The following KIF13A variants were observed in gnomAD, a reference collection of about 807,000 sequenced individuals.
KIF13A encodes kinesin family member 13A.
A neutral mutation model predicts 212.2 loss-of-function variants in KIF13A; 79 were observed. The observed-to-expected ratio is 0.37, with a 90% confidence interval of 0.31 to 0.45. The LOEUF (loss-of-function observed/expected upper bound fraction) is 0.45. Ranked by LOEUF, KIF13A falls within the 20% of genes least tolerant of loss-of-function variation. The pLI is 1.00. For missense variants in KIF13A, 1,901 were observed against 2,209.0 expected (o/e 0.86, Z 2.79); for synonymous variants, 789 against 808.6 (o/e 0.98, Z 0.41).
rs563347653 is a variant in KIF13A, at chr6:17,771,113, C to G, written c.4581+1G>C. 128 of 1,603,720 alleles carry G rather than the reference C, an allele frequency of 8.0e-5. No homozygotes were observed. The highest frequency in any genetic ancestry group is 1.4e-4 in the South Asian group (13 of 90,212). ...ATGACAGAAATGGTTCCGGAACTTA[C>G]AATCTTCTTCTCACGTTTGCTATTG... On this transcript the variant is annotated splice_donor_variant, in intron 38 of 38. Coordinates refer to ENST00000259711, the MANE Select transcript of KIF13A (RefSeq NM_022113.6). LOFTEE classifies it high-confidence loss of function. The surrounding 1 kb of genome is among the most constrained non-coding windows in gnomAD (Gnocchi z 5.4).
intron 2 of KIF13A, among the ~76,000 whole-genome samples, chr6:17,942,633 C>CA (rs780238393): frequency 4.6e-5 from 7 of 152,144 alleles, no homozygotes; most frequent in Non-Finnish European, 7.4e-5. Flanking sequence ...CAAATATAGT[C>CA]AAAGTCCTCC....
intron 6 of KIF13A, among the ~76,000 whole-genome samples, chr6:17,852,593 T>C (rs765080595): frequency 6.6e-6 from 1 of 152,262 alleles, no homozygotes; most frequent in Admixed American, 6.5e-5. Context: ...AGTTTTTATA[T>C]TTTTTGTAGA....
rs1769982178 is a variant in KIF13A at position 17,871,234 on chromosome 6, G to C, written c.220+2143C>G. 6.6e-6 allele frequency among the ~76,000 whole-genome samples: 1 copy of C among 152,164 alleles called. No homozygotes were observed. The highest frequency in any genetic ancestry group is 6.5e-5 in the Admixed American group (1 of 15,286). On this transcript the variant is annotated intron_variant, in intron 4 of 38. Transcript: ENST00000259711. This position sits in a 1 kb window ranked among gnomAD's most constrained non-coding sequence, Gnocchi z 4.4. The stretch of plus-strand genomic sequence containing the variant: ...GAATGGCTGAATCAGGCGATTTAAT[G>C]TATGTGTTGTCTCAAATACTTATCT...
At position 17,982,100 on chromosome 6, in the gene KIF13A, CTT is replaced by C. The variant is rs60619103; in HGVS notation, c.146+4952_146+4953del. ...ATTATATACTTACCAACTGAGCATT[CTT>C]TTTTTTTTTTGAGACAGAGTTTCAC... On this transcript the variant is annotated intron_variant, in intron 2 of 38. Transcript: ENST00000259711. The surrounding 1 kb of genome is among the most constrained non-coding windows in gnomAD (Gnocchi z 5.1). 1.4e-5 allele frequency among the ~76,000 whole-genome samples: 2 copies of C among 146,796 alleles called. No homozygotes were observed. Among genetic ancestry groups the C allele is most frequent in the African/African-American group, 2.5e-5 (1 of 40,188 alleles).
chr6:17,825,726 A>T lies in KIF13A; in HGVS notation c.1786+42T>A. On this transcript the variant is annotated intron_variant, in intron 16 of 38. Coordinates refer to ENST00000259711, the MANE Select transcript of KIF13A (RefSeq NM_022113.6). This position sits in a 1 kb window ranked among gnomAD's most constrained non-coding sequence, Gnocchi z 4.5. ...ATCCCTCACTGAATGGTGTGAGGTGAGGAAATGCCCAAGGCGCTGGAACAC... is the reference window on the plus strand; with the variant it reads ...ATCCCTCACTGAATGGTGTGAGGTGTGGAAATGCCCAAGGCGCTGGAACAC... The T allele has an allele frequency of 6.3e-7, 1 of 1,577,030 alleles. No homozygotes were observed. Among genetic ancestry groups the T allele is most frequent in the East Asian group, 2.2e-5 (1 of 44,588 alleles).
At chr6:17,969,329 T>C (rs530006305) in intron 2 of KIF13A, among the ~76,000 whole-genome samples, 7 of 152,338 alleles carry the variant, frequency 4.6e-5, no homozygotes, top group South Asian at 2.1e-4. Flanking sequence ...CTTTGTACTC[T>C]AGTTATTGGG....
At chr6:17,986,718 G>C (rs1243336336) in intron 2 of KIF13A, among the ~76,000 whole-genome samples, 2 of 152,164 alleles carry the variant, frequency 1.3e-5, no homozygotes, top group Non-Finnish European at 2.9e-5. Flanking sequence ...TGCCCGCCTC[G>C]GGCCTCAGTT....
chr6:17,875,005 A>G (rs867260015), intron 3 of KIF13A, among the ~76,000 whole-genome samples: 1 of 135,076 alleles, frequency 7.4e-6, no homozygotes, highest in Admixed American at 7.3e-5. Flanking sequence ...ACACGCACGC[A>G]CACACACACA....
chr6:17,789,610 A>G lies in KIF13A; in HGVS notation c.3261+262T>C, dbSNP rs1371479621. On this transcript the variant is annotated intron_variant, in intron 26 of 38. Transcript: ENST00000259711. The surrounding 1 kb of genome is among the most constrained non-coding windows in gnomAD (Gnocchi z 4.8). The stretch of plus-strand genomic sequence containing the variant: ...CCAGATCATCCATTTTAATACAGTG[A>G]TAATGGTCTTGCTTAGCAATAAGCC... Among the ~76,000 whole-genome samples the G allele has an allele frequency of 6.6e-6, 1 of 152,188 alleles. No homozygotes were observed. The highest frequency in any genetic ancestry group is 6.5e-5 in the Admixed American group (1 of 15,278).
At position 17,796,707 on chromosome 6, in the gene KIF13A, G is replaced by A. The variant is rs781671023; in HGVS notation, c.2904C>T (p.Val968=). ...TTCTTGTCTTAGCATGAAGAGAATC[G>A]ACCTCCCAGATGGAGCTGCCATTTC... ...CAGNGSSIWE[V]DSLHAKTRTL... is the part of the protein sequence containing the mutation. The change falls in exon 23 of 39, where the codon GTC becomes GTT. Residue 968 remains valine, a synonymous_variant. Coordinates refer to ENST00000259711, the MANE Select transcript of KIF13A (RefSeq NM_022113.6). 1.0e-5 allele frequency: 16 copies of A among 1,581,982 alleles called. No homozygotes were observed. In the African/African-American group the frequency reaches 1.1e-4, roughly 11 times the overall value.
intron 22 of KIF13A, among the ~76,000 whole-genome samples, chr6:17,797,798 T>C (rs1762170580): frequency 6.6e-6 from 1 of 152,152 alleles, no homozygotes. Context: ...CTCAGGAGGC[T>C]GAGGCAGGAG....
chr6:17,811,345 G>A lies in KIF13A; in HGVS notation c.2001-2415C>T. Among the ~76,000 whole-genome samples the A allele has an allele frequency of 6.6e-6, 1 of 152,168 alleles. No individual in the cohort carries two copies. The highest frequency in any genetic ancestry group is 1.9e-4 in the East Asian group (1 of 5,192). ...GGTGACCACATCATTCTAGGCACTA[G>A]GGATACTTCAAAGGATTCCCTGTCC... On this transcript the variant is annotated intron_variant, in intron 17 of 38. Coordinates refer to ENST00000259711, the MANE Select transcript of KIF13A (RefSeq NM_022113.6). The surrounding 1 kb of genome is among the most constrained non-coding windows in gnomAD (Gnocchi z 6.0).
intron 16 of KIF13A, among the ~76,000 whole-genome samples, chr6:17,823,618 C>T (rs769950431): frequency 7.9e-5 from 12 of 151,916 alleles, no homozygotes; most frequent in African/African-American, 2.9e-4. Context: ...CAGGCATTCA[C>T]CACCACACCT....
chr6:17,885,823 C>T (rs1259885946), intron 3 of KIF13A, among the ~76,000 whole-genome samples: 1 of 152,180 alleles, frequency 6.6e-6, no homozygotes, highest in Non-Finnish European at 1.5e-5. Flanking sequence ...AAATACTCTA[C>T]TCATTTCATA....
Position 17,825,903 on chromosome 6 carries a change from A to G in KIF13A, c.1651T>C (p.Trp551Arg). The change falls in exon 16 of 39, where the codon TGG (tryptophan) becomes CGG (arginine). Residue 551 changes from tryptophan to arginine, a missense_variant. This residue lies in a region of KIF13A where 534 missense variants were observed against 536.9 expected (regional missense o/e 0.99). Coordinates refer to ENST00000259711, the MANE Select transcript of KIF13A (RefSeq NM_022113.6). This position sits in a 1 kb window ranked among gnomAD's most constrained non-coding sequence, Gnocchi z 4.5. Reference protein sequence around the residue: ...INLPKRKRRDWLKDFEKETGP... With the variant: ...INLPKRKRRDRLKDFEKETGP... The stretch of plus-strand genomic sequence containing the variant: ...GTTTCTTTTTCAAAGTCTTTCAACC[A>G]ATCTCGACGTTTCCTCTTAGGTAAG... 6.2e-7 allele frequency: 1 copy of G among 1,614,016 alleles called. No homozygotes were observed. The highest frequency in any genetic ancestry group is 8.5e-7 in the Non-Finnish European group (1 of 1,179,884).
In KIF13A at chr6:17,764,029, T is replaced by C; in HGVS notation, c.*81A>G. The C allele has an allele frequency of 6.6e-7, 1 of 1,507,888 alleles. No homozygotes were observed. Among genetic ancestry groups the C allele is most frequent in the Non-Finnish European group, 8.9e-7 (1 of 1,127,508 alleles). The allele number at this position is 1,507,888 out of a possible 1,614,324, so 93.4% of individuals were successfully genotyped here. A position where few individuals can be genotyped will look rare whatever the true frequency, so the allele number is the denominator to read the frequency against. On this transcript the variant is annotated 3_prime_UTR_variant, in exon 39 of 39. Transcript: ENST00000259711. This position sits in a 1 kb window ranked among gnomAD's most constrained non-coding sequence, Gnocchi z 5.1. The stretch of plus-strand genomic sequence containing the variant: ...TGCTTCTCTGTGGGCTCATCTTTGC[T>C]GTCACAAACAACTGGATGAATCTTT...
intron 2 of KIF13A, among the ~76,000 whole-genome samples, chr6:17,962,669 G>A (rs1778936600): frequency 6.6e-6 from 1 of 152,176 alleles, no homozygotes; most frequent in Non-Finnish European, 1.5e-5. Context: ...ACAGGCACCC[G>A]GAGGCAGCTC....
Position 17,967,541 on chromosome 6 carries a change from G to C in KIF13A, c.146+19513C>G, listed in dbSNP as rs1007945859. On this transcript the variant is annotated intron_variant, in intron 2 of 38. Coordinates refer to ENST00000259711, the MANE Select transcript of KIF13A (RefSeq NM_022113.6). The surrounding 1 kb of genome is among the most constrained non-coding windows in gnomAD (Gnocchi z 4.1). ...TTCTCTAGGGCAGAGAAAACTATCC[G>C]AAGTCTTTCTGGAAGACTGCACGTG... Among the ~76,000 whole-genome samples, 2 of 152,158 alleles carry C rather than the reference G, an allele frequency of 1.3e-5. No individual in the cohort carries two copies. The highest frequency in any genetic ancestry group is 4.8e-5 in the African/African-American group (2 of 41,428).
At position 17,826,162 on chromosome 6, in the gene KIF13A, A is replaced by G; in HGVS notation, c.1533-38T>C. 6.6e-7 allele frequency: 1 copy of G among 1,509,634 alleles called. No homozygotes were observed. 93.5% of individuals were successfully genotyped at this position (1,509,634 alleles called of 1,614,324 possible). Reference sequence around the variant, plus strand: ...GAGGGAAAATACCAGGTAAATGGGAAGGAGCACAAGACCTTGTCCTGGTAG... The same window carrying G: ...GAGGGAAAATACCAGGTAAATGGGAGGGAGCACAAGACCTTGTCCTGGTAG... On this transcript the variant is annotated intron_variant, in intron 14 of 38. Transcript: ENST00000259711. The surrounding 1 kb of genome is among the most constrained non-coding windows in gnomAD (Gnocchi z 4.7).
Sources: allele counts gnomAD v4.1 joint callset (sites outside exome capture counted in the v4.1 genomes callset), GRCh38; gene constraint gnomAD v4.1.1; regional missense constraint gnomAD v4.1.1; non-coding constraint Gnocchi (gnomAD v3.1); transcripts MANE v1.5; gene names NCBI Gene and HGNC (gene_info 2026-07-23, HGNC 2026-07-21).